The following AMPH variants were observed in gnomAD, a reference collection of about 807,000 sequenced individuals.
AMPH encodes amphiphysin.
AMPH carries 49 observed loss-of-function variants against 99.1 expected under a neutral mutation model. The ratio of observed to expected loss-of-function variants is 0.49; its 90% CI spans 0.39 to 0.63. The LOEUF (loss-of-function observed/expected upper bound fraction) is 0.63, where lower values mean the gene tolerates loss of function less well. Ranked by LOEUF, AMPH falls within the 20% of genes least tolerant of loss-of-function variation. The pLI is 0.00. For synonymous variants in AMPH, 314 were observed against 317.3 expected (o/e 0.99, Z 0.11); for missense variants, 759 against 863.4 (o/e 0.88, Z 1.52).
chr7:38,539,881 T>C (rs964293044), intron 1 of AMPH, among the ~76,000 whole-genome samples: 1 of 152,232 alleles, frequency 6.6e-6, no homozygotes, highest in Non-Finnish European at 1.5e-5. Context: ...TGATCTGCTA[T>C]ATAGAAAAGA....
chr7:38,417,301 C>T (rs1207983889), intron 17 of AMPH, among the ~76,000 whole-genome samples: 7 of 136,398 alleles, frequency 5.1e-5, no homozygotes, highest in South Asian at 2.3e-4. Flanking sequence ...CCTCAAGGTC[C>T]GTATTATTAT....
At chr7:38,422,586 CTATCTATCTATCTAT>C in intron 15 of AMPH, 109 bp from the exon 16 acceptor site, 1 of 787,058 alleles carries the variant, frequency 1.3e-6, no homozygotes, top group Non-Finnish European at 2.1e-6. Context: ...ATCTATCTAT[CTATCTATCTATCTAT>C]CCATCTATCT....
intron 1 of AMPH, among the ~76,000 whole-genome samples, chr7:38,578,007 G>A (rs1416241500): frequency 1.3e-5 from 2 of 152,198 alleles, no homozygotes; most frequent in African/African-American, 4.8e-5. Flanking sequence ...TCTGCTATAA[G>A]TGACAACACA....
intron 5 of AMPH, among the ~76,000 whole-genome samples, chr7:38,482,596 A>G (rs1788329002): frequency 6.6e-6 from 1 of 152,142 alleles, no homozygotes; most frequent in Non-Finnish European, 1.5e-5. Flanking sequence ...TAAATATAGT[A>G]CAATAACTAA....
At chr7:38,489,251 T>A (rs1788628158) in intron 5 of AMPH, among the ~76,000 whole-genome samples, 1 of 152,078 alleles carries the variant, frequency 6.6e-6, no homozygotes, top group African/African-American at 2.4e-5. Context: ...GAACAGGCAG[T>A]CTCCTCAATA....
At chr7:38,556,186 A>G (rs1361580012) in intron 1 of AMPH, among the ~76,000 whole-genome samples, 1 of 152,190 alleles carries the variant, frequency 6.6e-6, no homozygotes, top group Non-Finnish European at 1.5e-5. Flanking sequence ...AAGAAAAAGA[A>G]AGCTATTCAA....
At chr7:38,510,247 G>A (rs149608113) in intron 2 of AMPH, among the ~76,000 whole-genome samples, 57 of 152,176 alleles carry the variant, frequency 3.7e-4, no homozygotes, top group African/African-American at 9.9e-4. Flanking sequence ...GTCTGTGTGC[G>A]TGCGTCCCTG....
intron 2 of AMPH, among the ~76,000 whole-genome samples, chr7:38,520,085 C>T (rs1251402601): frequency 6.6e-6 from 1 of 152,048 alleles, no homozygotes; most frequent in Non-Finnish European, 1.5e-5. Context: ...TGTCTCTCCC[C>T]GTATGTGTGT....
At chr7:38,535,071 A>C in intron 1 of AMPH, 60 bp from the exon 2 acceptor site, 1 of 1,460,260 alleles carries the variant, frequency 6.8e-7, no homozygotes, top group South Asian at 1.2e-5. Flanking sequence ...AAAGATGTGC[A>C]TTTTCTGTTA....
chr7:38,416,291 T>C (rs1328928691), intron 17 of AMPH, among the ~76,000 whole-genome samples: 2 of 151,918 alleles, frequency 1.3e-5, no homozygotes, highest in African/African-American at 2.4e-5. Flanking sequence ...GAAGGGATCA[T>C]AGAGAATCAA....
chr7:38,519,751 G>A (rs1310222616), intron 2 of AMPH, among the ~76,000 whole-genome samples: 2 of 152,184 alleles, frequency 1.3e-5, no homozygotes, highest in East Asian at 3.9e-4. Context: ...CCCAGGCCAT[G>A]TCAGGCATTC....
chr7:38,388,691 G>GA (rs1554327140), intron 20 of AMPH, among the ~76,000 whole-genome samples: 3 of 151,840 alleles, frequency 2.0e-5, no homozygotes, highest in African/African-American at 7.3e-5. Flanking sequence ...CCAGGCTGGA[G>GA]TGCAGTGGTG....
At chr7:38,428,497 C>T (rs905732511) in intron 14 of AMPH, 2 of 456,628 alleles carry the variant, frequency 4.4e-6, no homozygotes, top group Non-Finnish European at 8.8e-6. Flanking sequence ...CTGTCACCTA[C>T]AAGAGCATTT....
At chr7:38,507,384 C>T (rs1214346288) in intron 2 of AMPH, among the ~76,000 whole-genome samples, 5 of 152,086 alleles carry the variant, frequency 3.3e-5, no homozygotes, top group South Asian at 2.1e-4. Context: ...ATGAGTATTT[C>T]GGTTTCATGA....
intron 17 of AMPH, among the ~76,000 whole-genome samples, chr7:38,410,101 C>G (rs1341608606): frequency 6.6e-6 from 1 of 152,172 alleles, no homozygotes; most frequent in East Asian, 1.9e-4. Flanking sequence ...ATTTATGGTA[C>G]AATAAGCATT....
chr7:38,430,717 C>T (rs1176860273), intron 13 of AMPH, among the ~76,000 whole-genome samples: 2 of 152,120 alleles, frequency 1.3e-5, no homozygotes, highest in Non-Finnish European at 2.9e-5. Context: ...TCCATGCATG[C>T]CTTTTTGTGA....
intron 5 of AMPH, among the ~76,000 whole-genome samples, chr7:38,488,768 C>T (rs1448690790): frequency 2.0e-5 from 3 of 151,960 alleles, no homozygotes; most frequent in Non-Finnish European, 2.9e-5. Flanking sequence ...TACTAAAATA[C>T]TTAAGAATAA....
chr7:38,532,354 C>G (rs1790432315), intron 2 of AMPH, among the ~76,000 whole-genome samples: 1 of 152,028 alleles, frequency 6.6e-6, no homozygotes, highest in South Asian at 2.1e-4. Context: ...TCAAAGTGAA[C>G]CAAATGGGGT....
intron 11 of AMPH, among the ~76,000 whole-genome samples, chr7:38,452,317 T>C (rs534934645): frequency 6.6e-6 from 1 of 152,358 alleles, no homozygotes; most frequent in Non-Finnish European, 1.5e-5. Flanking sequence ...TTGCTATATG[T>C]GTCAGAGAAA....
Sources: gnomAD v4.1 joint callset for allele counts (sites outside exome capture counted in the v4.1 genomes callset) on GRCh38, gnomAD v4.1.1 for gene constraint, MANE v1.5 for transcripts, NCBI Gene and HGNC (gene_info 2026-07-23, HGNC 2026-07-21) for gene names.